The following CTNNA3 variants were observed in gnomAD, a reference collection of about 807,000 sequenced individuals.
CTNNA3 encodes catenin alpha-3.
A neutral mutation model predicts 95.7 loss-of-function variants in CTNNA3; 76 were observed. The observed-to-expected ratio is 0.79, with a 90% CI of 0.66 to 0.96. The LOEUF (loss-of-function observed/expected upper bound fraction) is 0.96. Ranked by LOEUF, CTNNA3 falls within the 40% of genes least tolerant of loss-of-function variation. The pLI is 0.00. For synonymous variants in CTNNA3, 431 were observed against 374.4 expected (o/e 1.15, Z -1.74); for missense variants, 1,191 against 1,089.8 (o/e 1.09, Z -1.31).
At chr10:67,186,040 A>C (rs566127659) in intron 6 of CTNNA3, among the ~76,000 whole-genome samples, 1 of 151,930 alleles carries the variant, frequency 6.6e-6, no homozygotes, top group South Asian at 2.1e-4. Flanking sequence ...AAAAAAAAAA[A>C]AAAAAATTAA....
intron 9 of CTNNA3, among the ~76,000 whole-genome samples, chr10:66,622,208 G>T (rs1256060254): frequency 6.6e-6 from 1 of 152,054 alleles, no homozygotes; most frequent in Non-Finnish European, 1.5e-5. Context: ...TATTTAAGTT[G>T]CATTAAGTAT....
chr10:66,052,003 G>C (rs1289684604), intron 15 of CTNNA3, among the ~76,000 whole-genome samples: 2 of 151,952 alleles, frequency 1.3e-5, no homozygotes, highest in Admixed American at 6.6e-5. Flanking sequence ...ATTATAGATA[G>C]AAAAAAATTT....
intron 13 of CTNNA3, among the ~76,000 whole-genome samples, chr10:66,199,793 ATATATATATATATTTTTTTTT>A (rs1265930450): frequency 1.4e-4 from 2 of 14,006 alleles, no homozygotes; most frequent in Non-Finnish European, 2.6e-4. Flanking sequence ...ATATATATAT[ATATATATATATATTTTTTTTT>A]TTTTTTTTTT....
intron 12 of CTNNA3, among the ~76,000 whole-genome samples, chr10:66,316,204 G>C (rs189976541): frequency 6.6e-6 from 1 of 152,170 alleles, no homozygotes; most frequent in African/African-American, 2.4e-5. Context: ...GAATCAGTGA[G>C]TGACAGTGGT....
At chr10:66,219,422 A>G (rs12764069) in intron 13 of CTNNA3, among the ~76,000 whole-genome samples, 12,010 of 152,212 alleles carry the variant, frequency 0.079, 599 homozygotes, top group Admixed American at 0.13. Flanking sequence ...CCAATAGAAT[A>G]TGACTGAAGT....
chr10:67,098,777 G>C (rs1261132748), intron 7 of CTNNA3: 1 of 151,986 alleles, frequency 6.6e-6, no homozygotes, highest in Non-Finnish European at 1.5e-5. Flanking sequence ...TGGGAGTATA[G>C]TGCATAATAA....
chr10:66,227,659 T>C (rs2089379504), intron 13 of CTNNA3, among the ~76,000 whole-genome samples: 1 of 152,168 alleles, frequency 6.6e-6, no homozygotes, highest in South Asian at 2.1e-4. Context: ...CTTGTCTGGT[T>C]TTGGTATCAG....
chr10:66,201,596 A>G (rs1564759219), intron 13 of CTNNA3, among the ~76,000 whole-genome samples: 1 of 152,066 alleles, frequency 6.6e-6, no homozygotes, highest in Non-Finnish European at 1.5e-5. Flanking sequence ...TACTTCTTTT[A>G]TCTACTCTCT....
At chr10:67,175,071 CAAAAA>C (rs11453660) in intron 7 of CTNNA3, among the ~76,000 whole-genome samples, 1 of 66,270 alleles carries the variant, frequency 1.5e-5, no homozygotes, top group Admixed American at 2.0e-4. Flanking sequence ...CAGTCCATGC[CAAAAA>C]AAAAAAAAAA....
At chr10:66,951,618 T>C (rs1848545153) in intron 7 of CTNNA3, among the ~76,000 whole-genome samples, 1 of 151,796 alleles carries the variant, frequency 6.6e-6, no homozygotes, top group Admixed American at 6.6e-5. Context: ...CCCAAGTCTT[T>C]CTTGCTCCTG....
At chr10:66,592,016 C>T (rs1042322429) in intron 10 of CTNNA3, among the ~76,000 whole-genome samples, 4 of 150,640 alleles carry the variant, frequency 2.7e-5, no homozygotes, top group Admixed American at 6.6e-5. Context: ...TAAATACAAG[C>T]GATGAATTTA....
intron 13 of CTNNA3, among the ~76,000 whole-genome samples, chr10:66,153,870 CACACACACAT>C (rs1446877184): frequency 6.6e-6 from 1 of 151,708 alleles, no homozygotes; most frequent in African/African-American, 2.4e-5. Context: ...CACACACACA[CACACACACAT>C]ACCTATATAA....
At position 67,566,034 on chromosome 10, in the gene CTNNA3, T is replaced by C. The variant is rs1440489598; in HGVS notation, c.293-26365A>G. ...ACACACAAACACACACACACACATA[T>C]GTGTGTGTGTATATATATATATATA... On this transcript the variant is annotated intron_variant, in intron 3 of 17. Transcript: ENST00000433211. Among the ~76,000 whole-genome samples, 10 of 54,856 alleles carry C rather than the reference T, an allele frequency of 1.8e-4. No homozygotes were observed. The East Asian group carries it at 7.0e-3, about 38-fold the overall frequency. The allele number at this position is 54,856 out of a possible 152,430, so 36.0% of individuals were successfully genotyped here. A position where few individuals can be genotyped will look rare whatever the true frequency, so the allele number is the denominator to read the frequency against.
At chr10:67,379,176 C>G (rs925955122) in intron 5 of CTNNA3, among the ~76,000 whole-genome samples, 4 of 152,076 alleles carry the variant, frequency 2.6e-5, no homozygotes, top group Admixed American at 1.3e-4. Context: ...ATAAAGTTGC[C>G]ATGAGCATAA....
At chr10:66,586,863 A>G (rs1325636893) in intron 10 of CTNNA3, among the ~76,000 whole-genome samples, 1 of 152,122 alleles carries the variant, frequency 6.6e-6, no homozygotes, top group Non-Finnish European at 1.5e-5. Flanking sequence ...CTTTTATACC[A>G]TGGGATGCTC....
In CTNNA3 at chr10:66,291,598, G is replaced by A. The variant is rs10997036; in HGVS notation, c.1733-10977C>T. On this transcript the variant is annotated intron_variant, in intron 12 of 17. Coordinates refer to ENST00000433211, the MANE Select transcript of CTNNA3 (RefSeq NM_013266.4). The stretch of plus-strand genomic sequence containing the variant: ...ATGCAGTTCTCGGTCAGTTAGAGTA[G>A]GTTAGTATTCTCTGTGCTCTTCCCA... Among the ~76,000 whole-genome samples the A allele has an allele frequency of 2.1e-3, 317 of 152,106 alleles. 2 individuals are homozygous for A. The East Asian group carries it at 0.042, about 20-fold the overall frequency.
intron 12 of CTNNA3, among the ~76,000 whole-genome samples, chr10:66,285,866 A>G (rs2132174713): frequency 6.8e-6 from 1 of 146,296 alleles, no homozygotes; most frequent in Non-Finnish European, 1.5e-5. Context: ...TCATGCAAAT[A>G]GAATCATACT....
chr10:66,484,790 T>C (rs1308766340), intron 11 of CTNNA3, among the ~76,000 whole-genome samples: 1 of 151,918 alleles, frequency 6.6e-6, no homozygotes, highest in African/African-American at 2.4e-5. Flanking sequence ...AAAACATATA[T>C]AGGCCAATAT....
chr10:67,289,807 A>C (rs1464136508), intron 5 of CTNNA3, among the ~76,000 whole-genome samples: 1 of 150,222 alleles, frequency 6.7e-6, no homozygotes, highest in African/African-American at 2.5e-5. Context: ...TGATGGATGG[A>C]TTTATTTATT....
Sources: gnomAD v4.1 joint callset for allele counts (sites outside exome capture counted in the v4.1 genomes callset) on GRCh38, gnomAD v4.1.1 for gene constraint, MANE v1.5 for transcripts, NCBI Gene and HGNC (gene_info 2026-07-23, HGNC 2026-07-21) for gene names.